The following EYS variants were observed in gnomAD, a reference collection of about 807,000 sequenced individuals.
EYS encodes the protein EGF-like photoreceptor maintenance factor, also known as protein eyes shut homolog.
EYS carries 250 observed loss-of-function variants against 282.1 expected under a neutral mutation model. The observed-to-expected ratio is 0.89, with a 90% CI of 0.80 to 0.98. The LOEUF (loss-of-function observed/expected upper bound fraction) is 0.98, where lower values mean the gene tolerates loss of function less well. Among genes scored for constraint, EYS ranks in the 50% least tolerant of loss-of-function variants. The probability of loss-of-function intolerance (pLI) is 0.00; values close to 1 mark genes in which losing one functional copy is unlikely to be tolerated. For missense variants in EYS, 4,016 were observed against 3,709.0 expected, an observed-to-expected ratio of 1.08 and a Z score of -2.15; for synonymous variants, 1,355 against 1,282.9, an observed-to-expected ratio of 1.06 and a Z score of -1.20.
At chr6:64,461,741 G>C (rs1775757535) in intron 26 of EYS, among the ~76,000 whole-genome samples, 1 of 152,022 alleles carries the variant, frequency 6.6e-6, no homozygotes, top group African/African-American at 2.4e-5. Context: ...TTTGAATGTG[G>C]ACTCATTACT....
At chr6:64,782,495 G>A (rs1773891493) in intron 22 of EYS, among the ~76,000 whole-genome samples, 2 of 152,100 alleles carry the variant, frequency 1.3e-5, no homozygotes, top group African/African-American at 2.4e-5. Context: ...ACTAAAGTAA[G>A]GCTTTCCTTT....
At chr6:64,732,608 C>T (rs934879036) in intron 22 of EYS, among the ~76,000 whole-genome samples, 4 of 151,870 alleles carry the variant, frequency 2.6e-5, no homozygotes, top group Admixed American at 6.6e-5. Context: ...TACCTAGTGG[C>T]GTATAGTAAA....
intron 22 of EYS, among the ~76,000 whole-genome samples, chr6:64,664,300 C>A (rs905933574): frequency 1.3e-4 from 20 of 152,318 alleles, no homozygotes; most frequent in African/African-American, 4.3e-4. Context: ...GTGACTATTT[C>A]TTTACCTCCT....
chr6:65,406,314 T>C (rs1057220678), intron 5 of EYS, among the ~76,000 whole-genome samples: 3 of 152,234 alleles, frequency 2.0e-5, no homozygotes, highest in South Asian at 2.1e-4. Context: ...GTTCTTTGTA[T>C]ATATTGAATA....
intron 41 of EYS, among the ~76,000 whole-genome samples, chr6:63,727,706 C>CAA (rs1169878020): frequency 0.18 from 1,670 of 9,528 alleles, 678 homozygotes; most frequent in Non-Finnish European, 0.22. Context: ...CACCATCTCT[C>CAA]AAAAAAAAAA....
chr6:65,660,269 G>T (rs1289897429), intron 1 of EYS, among the ~76,000 whole-genome samples: 1 of 151,694 alleles, frequency 6.6e-6, no homozygotes, highest in African/African-American at 2.4e-5. Flanking sequence ...TTTTAAGTAT[G>T]AATCCATAAT....
rs566986779 is a variant in EYS, at chr6:65,039,909, A to T, written c.2137+17705T>A. The stretch of plus-strand genomic sequence containing the variant: ...AAGAAAATAAATAAATAAAATAAAT[A>T]TTACCTCATTTTTGAATCTGGATGG... On this transcript the variant is annotated intron_variant, in intron 13 of 42. Coordinates refer to ENST00000503581, the MANE Select transcript of EYS (RefSeq NM_001142800.2). 2.6e-5 allele frequency among the ~76,000 whole-genome samples: 4 copies of T among 151,792 alleles called. No individual in the cohort carries two copies. The South Asian group carries it at 8.3e-4, about 31-fold the overall frequency.
chr6:65,455,320 C>A (rs1764560693), intron 5 of EYS, among the ~76,000 whole-genome samples: 1 of 152,100 alleles, frequency 6.6e-6, no homozygotes, highest in African/African-American at 2.4e-5. Context: ...AGTGTATACA[C>A]ATACTACTAA....
intron 14 of EYS, among the ~76,000 whole-genome samples, chr6:64,954,382 AT>A (rs1323452457): frequency 6.6e-6 from 1 of 152,174 alleles, no homozygotes; most frequent in African/African-American, 2.4e-5. Flanking sequence ...AAACATATTT[AT>A]TATGTTTTGA....
chr6:65,557,560 A>G (rs1768865450), intron 2 of EYS, among the ~76,000 whole-genome samples: 2 of 152,122 alleles, frequency 1.3e-5, no homozygotes, highest in South Asian at 2.1e-4. Context: ...GTGTTACAAC[A>G]TGTCACAGCC....
At chr6:64,845,605 A>T (rs1046854248) in intron 19 of EYS, among the ~76,000 whole-genome samples, 2 of 151,664 alleles carry the variant, frequency 1.3e-5, no homozygotes, top group African/African-American at 2.4e-5. Flanking sequence ...CAACTTCGGG[A>T]ATTTCTTGAC....
intron 12 of EYS, among the ~76,000 whole-genome samples, chr6:65,178,106 C>T (rs185666169): frequency 8.5e-4 from 129 of 151,978 alleles, no homozygotes; most frequent in Middle Eastern, 6.8e-3. Context: ...CTGGCACCCC[C>T]CGAGTATCCT....
At chr6:64,236,703 T>C (rs949847243) in intron 30 of EYS, among the ~76,000 whole-genome samples, 6 of 144,768 alleles carry the variant, frequency 4.1e-5, no homozygotes, top group African/African-American at 1.0e-4. Context: ...TAATTTCATA[T>C]GTATTCTTTT....
At chr6:65,171,500 T>C (rs1765104552) in intron 12 of EYS, among the ~76,000 whole-genome samples, 1 of 151,502 alleles carries the variant, frequency 6.6e-6, no homozygotes, top group African/African-American at 2.4e-5. Context: ...ACAAAGAATT[T>C]CAAATGTAAG....
At chr6:65,520,757 G>A (rs992661597) in intron 2 of EYS, among the ~76,000 whole-genome samples, 2 of 151,570 alleles carry the variant, frequency 1.3e-5, no homozygotes. Context: ...CTATTTACAG[G>A]GTCTCTAAGC....
intron 37 of EYS, among the ~76,000 whole-genome samples, chr6:63,805,575 A>T (rs1486712971): frequency 6.6e-6 from 1 of 152,088 alleles, no homozygotes; most frequent in Non-Finnish European, 1.5e-5. Flanking sequence ...GCCTGTAGGA[A>T]TTTTTTCTTT....
At chr6:65,298,596 A>ACCT (rs1462103870) in intron 11 of EYS, among the ~76,000 whole-genome samples, 3 of 151,970 alleles carry the variant, frequency 2.0e-5, no homozygotes, top group Middle Eastern at 3.4e-3. Context: ...TAGAGCAACA[A>ACCT]CCTACTTGTT....
chr6:64,783,394 A>T (rs1379632169), intron 22 of EYS, among the ~76,000 whole-genome samples: 1 of 151,638 alleles, frequency 6.6e-6, no homozygotes, highest in East Asian at 1.9e-4. Flanking sequence ...AGGTTTCAGT[A>T]CTATCCGTGG....
chr6:65,620,553 T>C (rs1419115087), intron 2 of EYS, among the ~76,000 whole-genome samples: 5 of 151,218 alleles, frequency 3.3e-5, no homozygotes, highest in Non-Finnish European at 7.4e-5. Flanking sequence ...TCTATTTCCT[T>C]CAGTTCTGCT....
Sources: allele counts gnomAD v4.1 joint callset (sites outside exome capture counted in the v4.1 genomes callset), GRCh38; gene constraint gnomAD v4.1.1; transcripts MANE v1.5; gene names NCBI Gene and HGNC (gene_info 2026-07-23, HGNC 2026-07-21).